USP9X: variants seen among roughly 807,000 people sequenced by gnomAD.
The protein encoded by USP9X is ubiquitin specific peptidase 9 X-linked, also known as ubiquitin carboxyl-terminal hydrolase 9X.
In USP9X, 7 loss-of-function variants were observed where a neutral mutation model predicts 190.3. The observed-to-expected ratio is 0.04, with a 90% CI of 0.02 to 0.07. The LOEUF is 0.07. Ranked by LOEUF, USP9X falls within the 10% of genes least tolerant of loss-of-function variation. USP9X has a pLI of 1.00. For synonymous variants in USP9X, 645 were observed against 659.5 expected (o/e 0.98, Z 0.34); for missense variants, 1,010 against 1,916.9 (o/e 0.53, Z 8.83).
chrX:41,231,093 T>C (rs1454651075), intron 44 of USP9X, among the ~76,000 whole-genome samples: 1 of 111,782 alleles, frequency 8.9e-6, no homozygotes, highest in Non-Finnish European at 1.9e-5. Flanking sequence ...AGAAATGAGA[T>C]GAAGAAACAT....
intron 32 of USP9X, among the ~76,000 whole-genome samples, chrX:41,207,151 C>T (rs984419282): frequency 1.2e-5 from 1 of 84,249 alleles, no homozygotes; most frequent in Non-Finnish European, 2.2e-5. Context: ...TGCAATGGCT[C>T]GATCTCAGCT....
At chrX:41,183,861 A>G (rs2062849512) in intron 21 of USP9X, 137 bp from the exon 22 acceptor site, 2 of 740,039 alleles carry the variant, frequency 2.7e-6, no homozygotes, top group Admixed American at 4.5e-5. Flanking sequence ...AGGTCTTGTC[A>G]TGTCTTAGGA....
chrX:41,165,005 AG>A (rs1408255618), intron 15 of USP9X, among the ~76,000 whole-genome samples: 1 of 112,073 alleles, frequency 8.9e-6, no homozygotes, highest in Non-Finnish European at 1.9e-5. Context: ...CATTTGAAGA[AG>A]GGTCTATGCC....
intron 6 of USP9X, among the ~76,000 whole-genome samples, 174 bp downstream of exon 6, chrX:41,137,196 T>C (rs1215616858): frequency 8.9e-6 from 1 of 111,944 alleles, no homozygotes; most frequent in Non-Finnish European, 1.9e-5. Context: ...TTTTTCTGCA[T>C]GTATAATTAT....
At chrX:41,140,120 C>G (rs953409197) in intron 6 of USP9X, among the ~76,000 whole-genome samples, 5 of 111,550 alleles carry the variant, frequency 4.5e-5, no homozygotes, top group Non-Finnish European at 9.4e-5. Context: ...GCAAAAGTAT[C>G]AACCAGCATA....
intron 11 of USP9X, among the ~76,000 whole-genome samples, chrX:41,145,763 T>A (rs915090391): frequency 9.0e-6 from 1 of 111,376 alleles, no homozygotes; most frequent in Non-Finnish European, 1.9e-5. Flanking sequence ...TATTTCACAG[T>A]AGAAGAAAAA....
At chrX:41,158,631 G>A (rs1181961867) in intron 14 of USP9X, among the ~76,000 whole-genome samples, 1 of 110,995 alleles carries the variant, frequency 9.0e-6, no homozygotes, top group Admixed American at 9.6e-5. Context: ...AGAGTGTTCC[G>A]AATTTGCAGG....
chrX:41,128,173 G>A (rs2062273436), intron 2 of USP9X, among the ~76,000 whole-genome samples: 3 of 111,476 alleles, frequency 2.7e-5, no homozygotes, highest in African/African-American at 9.8e-5. Context: ...GGGAAGTTAT[G>A]GAATAATTAC....
At chrX:41,172,101 C>A in intron 21 of USP9X, 143 bp downstream of exon 21, 1 of 650,976 alleles carries the variant, frequency 1.5e-6, no homozygotes, top group East Asian at 3.8e-5. Context: ...ACATCAAGCC[C>A]CCTGCTTGTT....
At chrX:41,212,113 A>G (rs1326135197) in intron 33 of USP9X, among the ~76,000 whole-genome samples, 1 of 111,507 alleles carries the variant, frequency 9.0e-6, no homozygotes, top group Non-Finnish European at 1.9e-5. Flanking sequence ...TTTGTTCTGT[A>G]CTAAGAAAAA....
intron 14 of USP9X, among the ~76,000 whole-genome samples, chrX:41,153,385 C>T (rs1020253178): frequency 2.7e-5 from 3 of 111,711 alleles, no homozygotes; most frequent in Admixed American, 1.9e-4. Flanking sequence ...TGTCCTTTAC[C>T]ACCACCTTTA....
chrX:41,151,172 C>A, intron 13 of USP9X, 115 bp downstream of exon 13: 2 of 738,116 alleles, frequency 2.7e-6, no homozygotes, highest in Non-Finnish European at 3.8e-6. Context: ...TGAGAAGAGG[C>A]TATATAAGAA....
At chrX:41,094,638 C>T (rs980446705) in intron 1 of USP9X, among the ~76,000 whole-genome samples, 9 of 110,810 alleles carry the variant, frequency 8.1e-5, no homozygotes, top group African/African-American at 2.0e-4. Flanking sequence ...TCAGTTAGTA[C>T]GCCTTATCCA....
chrX:41,204,054 C>T, intron 31 of USP9X, among the ~76,000 whole-genome samples: 1 of 111,835 alleles, frequency 8.9e-6, no homozygotes, highest in Non-Finnish European at 1.9e-5. Context: ...TTCCTACCAG[C>T]ATTGCACAAG....
At chrX:41,090,790 C>G (rs771842844) in intron 1 of USP9X, among the ~76,000 whole-genome samples, 2 of 111,112 alleles carry the variant, frequency 1.8e-5, no homozygotes, top group Non-Finnish European at 3.8e-5. Context: ...GTCAAAAATT[C>G]CAGACTGAAA....
In USP9X at chrX:41,203,067, C is replaced by T. The variant is rs375772980; in HGVS notation, c.4824+1787C>T. On this transcript the variant is annotated intron_variant, in intron 31 of 44. Transcript: ENST00000378308. ...GTTATCAGATACAACTCAGAGAATACTGAAAGATAGTTAAATGTAAAAACA... is the reference window on the plus strand; with the variant it reads ...GTTATCAGATACAACTCAGAGAATATTGAAAGATAGTTAAATGTAAAAACA... 4.5e-5 allele frequency among the ~76,000 whole-genome samples: 5 copies of T among 111,949 alleles called. No homozygotes were observed. The East Asian group carries it at 1.4e-3, about 31-fold the overall frequency.
intron 25 of USP9X, among the ~76,000 whole-genome samples, chrX:41,188,463 A>C (rs183604889): frequency 8.9e-6 from 1 of 111,835 alleles, no homozygotes; most frequent in African/African-American, 3.3e-5. Flanking sequence ...ATGGTATGGC[A>C]TTTAAGTATT....
Position 41,197,523 on chromosome X carries a change from T to G in USP9X, c.4380+13T>G, listed in dbSNP as rs757171897. 3 of 1,202,938 alleles carry G rather than the reference T, an allele frequency of 2.5e-6. No individual in the cohort carries two copies. Among genetic ancestry groups the G allele is most frequent in the Non-Finnish European group, 3.4e-6 (3 of 890,055 alleles). ...TAATCTCATTAAAGTAAGTTCTGTG[T>G]TCTTGGTTGTAAGCTACATATCATA... On this transcript the variant is annotated intron_variant, in intron 29 of 44. Transcript: ENST00000378308.
chrX:41,092,309 G>A (rs1385442775), intron 1 of USP9X, among the ~76,000 whole-genome samples: 1 of 111,583 alleles, frequency 9.0e-6, no homozygotes, highest in Non-Finnish European at 1.9e-5. Flanking sequence ...TATAAGTTGA[G>A]GCTGTTGGTT....
Sources: allele counts gnomAD v4.1 joint callset (sites outside exome capture counted in the v4.1 genomes callset), GRCh38; gene constraint gnomAD v4.1.1; transcripts MANE v1.5; gene names NCBI Gene and HGNC (gene_info 2026-07-23, HGNC 2026-07-21).